The following MMP2 variants were observed in gnomAD, a reference collection of about 807,000 sequenced individuals.
The protein encoded by MMP2 is matrix metallopeptidase 2, also known as 72 kDa type IV collagenase.
A neutral mutation model predicts 74.8 loss-of-function variants in MMP2; 39 were observed. The ratio of observed to expected loss-of-function variants is 0.52; its 90% CI spans 0.40 to 0.68. The LOEUF is 0.68. Ranked by LOEUF, MMP2 falls within the 30% of genes least tolerant of loss-of-function variation. MMP2 has a pLI of 0.00. For missense variants in MMP2, 803 were observed against 878.3 expected, an observed-to-expected ratio of 0.91 and a Z score of 1.08; for synonymous variants, 367 against 339.8, an observed-to-expected ratio of 1.08 and a Z score of -0.88.
chr16:55,498,074 C>G (rs1160013961), intron 10 of MMP2, among the ~76,000 whole-genome samples: 1 of 152,126 alleles, frequency 6.6e-6, no homozygotes, highest in Non-Finnish European at 1.5e-5. Flanking sequence ...GGATTTATCC[C>G]CCAACTCATG....
intron 1 of MMP2, chr16:55,480,602 G>A (rs1962074960): frequency 6.6e-6 from 1 of 152,480 alleles, no homozygotes; most frequent in South Asian, 2.1e-4. Flanking sequence ...TGTTGCGTAA[G>A]TAGGGCCTGA....
chr16:55,481,017 G>A (rs1962085952), intron 1 of MMP2, among the ~76,000 whole-genome samples: 1 of 152,090 alleles, frequency 6.6e-6, no homozygotes, highest in Non-Finnish European at 1.5e-5. Context: ...CCTAAATTGG[G>A]GTTCAGCCTG....
Position 55,488,611 on chromosome 16 carries a change from T to A in MMP2, c.901T>A (p.Ser301Thr), listed in dbSNP as rs1216060612. Residue 301 changes from serine (S) to threonine (T), a missense_variant, in exon 6 of 13, where the codon TCC becomes ACC. By Grantham distance (58) the Ser-to-Thr change is moderately conservative. This residue lies in a region of MMP2 where 555 missense variants were observed against 592.0 expected (regional missense o/e 0.94). Coordinates refer to ENST00000219070, the MANE Select transcript of MMP2 (RefSeq NM_004530.6). ...CKFPFRFQGT[S>T]YDSCTTEGRT... The stretch of plus-strand genomic sequence containing the variant: ...GTTTCCATTCCGCTTCCAGGGCACA[T>A]CCTATGACAGCTGCACCACTGAGGG... 1.2e-6 allele frequency: 2 copies of A among 1,613,848 alleles called. No individual in the cohort carries two copies. The highest frequency in any genetic ancestry group is 1.7e-6 in the Non-Finnish European group (2 of 1,179,930).
intron 11 of MMP2, among the ~76,000 whole-genome samples, chr16:55,499,351 TG>T (rs1194853358): frequency 6.6e-6 from 1 of 151,974 alleles, no homozygotes; most frequent in Non-Finnish European, 1.5e-5. Flanking sequence ...TGGGGGAACA[TG>T]AAGGCAGTGG....
intron 3 of MMP2, among the ~76,000 whole-genome samples, chr16:55,484,711 G>A (rs17859880): frequency 0.027 from 4,048 of 152,286 alleles, 172 homozygotes; most frequent in African/African-American, 0.088. Flanking sequence ...AGAACCTGGG[G>A]CCAGGTGGCC....
At chr16:55,485,552 T>A (rs1425885847) in intron 4 of MMP2, 52 bp from the exon 5 acceptor site, 13 of 1,612,680 alleles carry the variant, frequency 8.1e-6, no homozygotes. Flanking sequence ...AATCTTGGTC[T>A]CCAAAGAAGG....
At chr16:55,488,421 T>G (rs1962310873) in intron 5 of MMP2, 122 bp from the exon 6 acceptor site, 1 of 987,760 alleles carries the variant, frequency 1.0e-6, no homozygotes, top group Admixed American at 2.0e-5. Context: ...TAGAGATGTT[T>G]TCTTAATATT....
chr16:55,494,074 C>T (rs1992115), intron 9 of MMP2, among the ~76,000 whole-genome samples: 51,174 of 152,124 alleles, frequency 0.34, 10,011 homozygotes, highest in Non-Finnish European at 0.44. Context: ...CTATATCTTT[C>T]CATCCATCAT....
intron 1 of MMP2, chr16:55,480,663 A>T (rs1567371734): frequency 6.6e-6 from 1 of 152,462 alleles, no homozygotes; most frequent in Non-Finnish European, 1.5e-5. Context: ...AGTCCAGGGG[A>T]TATCTGCTCC....
At chr16:55,488,503 A>G in intron 5 of MMP2, 40 bp from the exon 6 acceptor site, 5 of 1,602,666 alleles carry the variant, frequency 3.1e-6, no homozygotes, top group Non-Finnish European at 4.3e-6. Context: ...CCATGGAAGC[A>G]TGTCTCATTC....
chr16:55,491,348 T>C (rs1185757587), intron 7 of MMP2, among the ~76,000 whole-genome samples: 1 of 152,146 alleles, frequency 6.6e-6, no homozygotes, highest in Non-Finnish European at 1.5e-5. Context: ...TGCTTTCACC[T>C]GGGCAGAAAT....
At chr16:55,481,822 A>G (rs904681421) in intron 1 of MMP2, 9 of 749,944 alleles carry the variant, frequency 1.2e-5, no homozygotes, top group Admixed American at 5.4e-5. Flanking sequence ...GCAAACTGGG[A>G]AATTTCCTAT....
intron 1 of MMP2, chr16:55,481,667 G>T: frequency 1.9e-6 from 1 of 529,388 alleles, no homozygotes; most frequent in Non-Finnish European, 3.4e-6. Context: ...ACAAATGGAA[G>T]TCTGTGTTGT....
chr16:55,489,458 A>C (rs769804084), intron 6 of MMP2, among the ~76,000 whole-genome samples, 193 bp from the exon 7 acceptor site: 1 of 152,112 alleles, frequency 6.6e-6, no homozygotes, highest in Non-Finnish European at 1.5e-5. Context: ...TTTCCCATCC[A>C]TGAAACGCGG....
chr16:55,480,269 T>A (rs1962064571), intron 1 of MMP2, among the ~76,000 whole-genome samples: 1 of 152,046 alleles, frequency 6.6e-6, no homozygotes, highest in Admixed American at 6.6e-5. Flanking sequence ...TGGGAAGTGA[T>A]TGGGGCAGGA....
At chr16:55,496,847 G>A (rs1164719572) in intron 9 of MMP2, 79 bp from the exon 10 acceptor site, 56 of 1,581,000 alleles carry the variant, frequency 3.5e-5, no homozygotes, top group Non-Finnish European at 4.8e-5. Flanking sequence ...ATGTTTCTGG[G>A]TGGGTTTGGG....
At position 55,484,059 on chromosome 16, in the gene MMP2, G is replaced by A. The variant is rs200271857; in HGVS notation, c.424G>A (p.Asp142Asn). 1 of 1,614,218 alleles carries A rather than the reference G, an allele frequency of 6.2e-7. No individual in the cohort carries two copies. Among genetic ancestry groups the A allele is most frequent in the East Asian group, 2.2e-5 (1 of 44,886 alleles). ...TGATCTGGACCCAGAGACAGTGGAT[G>A]ATGCCTTTGCTCGTGCCTTCCAAGT... ...TPDLDPETVD[D>N]AFARAFQVWS... is the part of the protein sequence containing the mutation. Residue 142 changes from aspartate (D) to asparagine (N), a missense_variant, in exon 3 of 13, where the codon GAT (aspartate) becomes AAT (asparagine). Transcript: ENST00000219070.
At position 55,483,160 on chromosome 16, in the gene MMP2, C is replaced by G. The variant is rs1356652213; in HGVS notation, c.380+25C>G. On this transcript the variant is annotated intron_variant, in intron 2 of 12. Coordinates refer to ENST00000219070, the MANE Select transcript of MMP2 (RefSeq NM_004530.6). ...GGTGCCGGGGCAGGGCTTGGGGAGG[C>G]AGGGCCATGGGGCTGAGGGACACGA... 3 of 1,591,798 alleles carry G rather than the reference C, an allele frequency of 1.9e-6. No individual in the cohort carries two copies. In the Admixed American group the frequency reaches 5.0e-5, roughly 27 times the overall value.
At chr16:55,498,160 G>A in intron 10 of MMP2, 129 bp from the exon 11 acceptor site, 4 of 1,195,552 alleles carry the variant, frequency 3.3e-6, no homozygotes, top group Admixed American at 1.7e-5. Context: ...CTGCAACCAG[G>A]AGTGAGCAGG....
Sources: allele counts gnomAD v4.1 joint callset (sites outside exome capture counted in the v4.1 genomes callset), GRCh38; gene constraint gnomAD v4.1.1; regional missense constraint gnomAD v4.1.1; transcripts MANE v1.5; gene names NCBI Gene and HGNC (gene_info 2026-07-23, HGNC 2026-07-21).